The following ERBB4 variants were observed in gnomAD, a reference collection of about 807,000 sequenced individuals.
The protein encoded by ERBB4 is erb-b2 receptor tyrosine kinase 4.
ERBB4 carries 42 observed loss-of-function variants against 158.0 expected under a neutral mutation model. The observed-to-expected ratio is 0.27, with a 90% CI of 0.21 to 0.34. The LOEUF (loss-of-function observed/expected upper bound fraction) is 0.34. Among genes scored for constraint, ERBB4 ranks in the 10% least tolerant of loss-of-function variants. The pLI is 1.00. For missense variants in ERBB4, 1,333 were observed against 1,624.1 expected (o/e 0.82, Z 3.08); for synonymous variants, 583 against 558.7 (o/e 1.04, Z -0.61).
chr2:212,074,671 G>C (rs1045190974), intron 2 of ERBB4, among the ~76,000 whole-genome samples: 1 of 151,918 alleles, frequency 6.6e-6, no homozygotes, highest in Non-Finnish European at 1.5e-5. Flanking sequence ...CAGTATCACA[G>C]AGCATTAGAT....
At chr2:212,210,532 G>T (rs1230045980) in intron 1 of ERBB4, among the ~76,000 whole-genome samples, 1 of 152,002 alleles carries the variant, frequency 6.6e-6, no homozygotes, top group Non-Finnish European at 1.5e-5. Context: ...TCTAGTTTAT[G>T]ATATCCATCA....
At chr2:212,537,017 G>A (rs543593406) in intron 1 of ERBB4, among the ~76,000 whole-genome samples, 92 of 152,280 alleles carry the variant, frequency 6.0e-4, no homozygotes, top group African/African-American at 2.2e-3. Flanking sequence ...TATGCGTGAA[G>A]AATTTCGGAG....
chr2:211,933,449 C>A (rs1053221163), intron 3 of ERBB4, among the ~76,000 whole-genome samples: 1 of 152,028 alleles, frequency 6.6e-6, no homozygotes. Context: ...CTATGAAATT[C>A]ATATCAAATT....
At chr2:211,530,070 G>A (rs1414640525) in intron 20 of ERBB4, among the ~76,000 whole-genome samples, 1 of 152,018 alleles carries the variant, frequency 6.6e-6, no homozygotes. Context: ...ATTCTTATTT[G>A]CAGATACAAT....
chr2:212,062,399 C>CTTTTTTTT lies in ERBB4; in HGVS notation c.234+62345_234+62352dup, dbSNP rs199535512. On this transcript the variant is annotated intron_variant, in intron 2 of 27. Transcript: ENST00000342788. Reference sequence around the variant, plus strand: ...CTACTACTCTTCTCACTTGTCAATTCTTTTTTTTTTTTTTTTTTTTTTTTT... The same window carrying CTTTTTTTT: ...CTACTACTCTTCTCACTTGTCAATTCTTTTTTTTTTTTTTTTTTTTTTTTTTTTTTTTT... Among the ~76,000 whole-genome samples the CTTTTTTTT allele has an allele frequency of 4.9e-5, 4 of 81,358 alleles. 1 individual carries two copies. The highest frequency in any genetic ancestry group is 1.3e-4 in the African/African-American group (3 of 23,412). The allele number at this position is 81,358 out of a possible 152,430, so 53.4% of individuals were successfully genotyped here. A position where few individuals can be genotyped will look rare whatever the true frequency, so the allele number is the denominator to read the frequency against.
At chr2:212,486,875 T>A (rs1690008494) in intron 1 of ERBB4, among the ~76,000 whole-genome samples, 1 of 145,886 alleles carries the variant, frequency 6.9e-6, no homozygotes, top group Non-Finnish European at 1.5e-5. Context: ...TTTTATTATT[T>A]TATTTGAAAG....
intron 2 of ERBB4, among the ~76,000 whole-genome samples, chr2:212,101,904 T>C (rs2079095011): frequency 6.6e-6 from 1 of 151,616 alleles, no homozygotes; most frequent in African/African-American, 2.4e-5. Context: ...TACGTTTTGC[T>C]TGGGGGGGTA....
At chr2:212,022,187 T>C (rs534076085) in intron 2 of ERBB4, among the ~76,000 whole-genome samples, 1 of 152,280 alleles carries the variant, frequency 6.6e-6, no homozygotes, top group Non-Finnish European at 1.5e-5. Flanking sequence ...ACTGGGAATA[T>C]ACTCAAAGGA....
rs202168072 is a variant in ERBB4, at chr2:211,512,793, AAC to A, written c.2487+49108_2487+49109del. Among the ~76,000 whole-genome samples the A allele has an allele frequency of 7.9e-3, 1,208 of 152,210 alleles. 22 individuals carry two copies. The highest frequency in any genetic ancestry group is 0.028 in the African/African-American group (1,145 of 41,554). On this transcript the variant is annotated intron_variant, in intron 20 of 27. Coordinates refer to ENST00000342788, the MANE Select transcript of ERBB4 (RefSeq NM_005235.3). ...TGCCATGTTTGGAGATTTGCATAAT[AAC>A]ACAACTAAGTACCTGACCCATCTCT...
chr2:211,880,867 A>G (rs1467884506), intron 3 of ERBB4, among the ~76,000 whole-genome samples: 1 of 152,216 alleles, frequency 6.6e-6, no homozygotes. Flanking sequence ...TCAATTTTCA[A>G]GGAAAATATT....
intron 1 of ERBB4, among the ~76,000 whole-genome samples, chr2:212,366,054 C>T (rs1046521840): frequency 4.6e-5 from 7 of 151,800 alleles, no homozygotes; most frequent in Admixed American, 1.3e-4. Context: ...ATATGTCATT[C>T]AGTGGCAGTG....
chr2:211,733,086 T>C (rs1160630434), intron 5 of ERBB4, among the ~76,000 whole-genome samples: 1 of 152,196 alleles, frequency 6.6e-6, no homozygotes, highest in African/African-American at 2.4e-5. Context: ...CATGATAATA[T>C]TGTTAGTTGT....
intron 19 of ERBB4, among the ~76,000 whole-genome samples, chr2:211,591,705 A>C (rs2068471027): frequency 6.6e-6 from 1 of 152,240 alleles, no homozygotes; most frequent in Non-Finnish European, 1.5e-5. Context: ...AGAGTCTCTT[A>C]AAGCTTTGTG....
chr2:212,272,606 A>G (rs372007289), intron 1 of ERBB4, among the ~76,000 whole-genome samples: 1 of 151,788 alleles, frequency 6.6e-6, no homozygotes, highest in South Asian at 2.1e-4. Flanking sequence ...AAGAGAAAAA[A>G]ACTCTGTGGG....
intron 2 of ERBB4, among the ~76,000 whole-genome samples, chr2:212,083,847 A>G (rs571198744): frequency 1.2e-4 from 18 of 151,910 alleles, no homozygotes; most frequent in African/African-American, 4.1e-4. Context: ...ATGGTATCCC[A>G]AACAGAACAA....
chr2:212,343,851 T>C (rs756245846), intron 1 of ERBB4, among the ~76,000 whole-genome samples: 3 of 152,166 alleles, frequency 2.0e-5, no homozygotes, highest in Non-Finnish European at 4.4e-5. Flanking sequence ...TTTCTAGTTA[T>C]ATTTACTTTT....
chr2:211,961,440 T>C (rs951022878), intron 2 of ERBB4, among the ~76,000 whole-genome samples: 1 of 152,168 alleles, frequency 6.6e-6, no homozygotes, highest in African/African-American at 2.4e-5. Flanking sequence ...ATCACTTCCA[T>C]GGGACTTGCC....
intron 25 of ERBB4, among the ~76,000 whole-genome samples, chr2:211,394,662 C>A (rs947615450): frequency 6.6e-6 from 1 of 152,018 alleles, no homozygotes; most frequent in Non-Finnish European, 1.5e-5. Context: ...CAAGCCTTTT[C>A]GATGTGTAAA....
chr2:211,562,198 A>T, intron 19 of ERBB4, 110 bp from the exon 20 acceptor site: 2 of 835,012 alleles, frequency 2.4e-6, no homozygotes, highest in South Asian at 2.8e-5. Flanking sequence ...ACTCTTACTC[A>T]ATGGAATCAA....
Sources: allele counts gnomAD v4.1 joint callset (sites outside exome capture counted in the v4.1 genomes callset), GRCh38; gene constraint gnomAD v4.1.1; transcripts MANE v1.5; gene names NCBI Gene and HGNC (gene_info 2026-07-23, HGNC 2026-07-21).